Variants in CAMK1D observed in about 807,000 individuals in gnomAD.
CAMK1D encodes calcium/calmodulin dependent protein kinase ID.
Under a neutral mutation model 47.7 loss-of-function variants are expected in CAMK1D, and 9 were observed. That is an observed-to-expected ratio of 0.19 (90% confidence interval 0.11 to 0.33). CAMK1D has a LOEUF of 0.33. Among genes scored for constraint, CAMK1D ranks in the 10% least tolerant of loss-of-function variants. CAMK1D has a pLI of 1.00. For missense variants in CAMK1D, 291 were observed against 488.7 expected, an observed-to-expected ratio of 0.60 and a Z score of 3.81; for synonymous variants, 184 against 184.9, an observed-to-expected ratio of 0.99 and a Z score of 0.04.
rs150272724 is a variant in CAMK1D at position 12,759,835 on chromosome 10, C to T, written c.300-1113C>T. ...GGATCAGTTATTGCGCATAAATTGTCGTGCCTTTTGGAAAATGAATCTTAT... is the reference window on the plus strand; with the variant it reads ...GGATCAGTTATTGCGCATAAATTGTTGTGCCTTTTGGAAAATGAATCTTAT... On this transcript the variant is annotated intron_variant, in intron 3 of 10. Transcript: ENST00000619168. Among the ~76,000 whole-genome samples, 7 of 152,114 alleles carry T rather than the reference C, an allele frequency of 4.6e-5. No homozygotes were observed. The East Asian group carries it at 5.8e-4, about 13-fold the overall frequency.
At chr10:12,808,282 A>G (rs1273451978) in intron 6 of CAMK1D, among the ~76,000 whole-genome samples, 1 of 152,116 alleles carries the variant, frequency 6.6e-6, no homozygotes, top group Admixed American at 6.5e-5. Context: ...TTATCTCTTT[A>G]TGTGCCTCTC....
At chr10:12,772,053 A>G (rs919772564) in intron 5 of CAMK1D, among the ~76,000 whole-genome samples, 4 of 149,934 alleles carry the variant, frequency 2.7e-5, no homozygotes, top group Non-Finnish European at 5.9e-5. Flanking sequence ...AAAAAAAGCC[A>G]GTATAGGCTT....
intron 2 of CAMK1D, among the ~76,000 whole-genome samples, chr10:12,598,999 C>T (rs190932060): frequency 3.3e-5 from 5 of 152,178 alleles, no homozygotes; most frequent in South Asian, 2.1e-4. Flanking sequence ...TAATGATGCA[C>T]GAGAATGCTC....
Position 12,829,722 on chromosome 10 carries a change from G to A in CAMK1D, c.*835G>A, listed in dbSNP as rs1184940401. On this transcript the variant is annotated 3_prime_UTR_variant, in exon 11 of 11. Transcript: ENST00000619168. Reference sequence around the variant, plus strand: ...CACTCCAGCCTGGGTGACAGAGCAAGACTCTGTCTCAAAAAAAAAAAAAAA... The same window carrying A: ...CACTCCAGCCTGGGTGACAGAGCAAAACTCTGTCTCAAAAAAAAAAAAAAA... The A allele has an allele frequency of 7.5e-6, 1 of 133,704 alleles. No individual in the cohort carries two copies. Among genetic ancestry groups the A allele is most frequent in the South Asian group, 2.6e-4 (1 of 3,872 alleles). The allele number at this position is 133,704 out of a possible 1,614,324, so 8.3% of individuals were successfully genotyped here. A position where few individuals can be genotyped will look rare whatever the true frequency, so the allele number is the denominator to read the frequency against.
intron 2 of CAMK1D, among the ~76,000 whole-genome samples, chr10:12,576,873 C>A (rs1245574076): frequency 6.6e-6 from 1 of 152,110 alleles, no homozygotes; most frequent in African/African-American, 2.4e-5. Flanking sequence ...GCATGTCAGT[C>A]AGTGAGCACA....
At chr10:12,767,436 C>T (rs533456630) in intron 4 of CAMK1D, among the ~76,000 whole-genome samples, 2 of 152,230 alleles carry the variant, frequency 1.3e-5, no homozygotes, top group African/African-American at 4.8e-5. Flanking sequence ...CTCAGTCTCC[C>T]AAAGTGCTGG....
At chr10:12,421,490 C>A (rs1026323894) in intron 1 of CAMK1D, among the ~76,000 whole-genome samples, 1 of 134,754 alleles carries the variant, frequency 7.4e-6, no homozygotes, top group African/African-American at 2.8e-5. Flanking sequence ...CTTGGTCATG[C>A]TGGGCCATTT....
At chr10:12,790,519 T>C (rs1837932917) in intron 5 of CAMK1D, among the ~76,000 whole-genome samples, 1 of 152,176 alleles carries the variant, frequency 6.6e-6, no homozygotes, top group Non-Finnish European at 1.5e-5. Flanking sequence ...TGTGTTACAG[T>C]GCTTAGTACG....
At chr10:12,671,605 G>GTATATATATATATATATGGAGATATGTA (rs916520885) in intron 3 of CAMK1D, among the ~76,000 whole-genome samples, 19 of 148,280 alleles carry the variant, frequency 1.3e-4, no homozygotes, top group African/African-American at 4.7e-4. Flanking sequence ...TTGGAGATAT[G>GTATATATATATATATATGGAGATATGTA]TATATATATA....
At chr10:12,605,337 A>AGTGTGTGTGTGTGT (rs112178502) in intron 2 of CAMK1D, among the ~76,000 whole-genome samples, 3,180 of 145,164 alleles carry the variant, frequency 0.022, 49 homozygotes, top group South Asian at 0.042. Flanking sequence ...AAACCATTCA[A>AGTGTGTGTGTGTGT]GTGTGTGTGT....
At chr10:12,824,630 A>C (rs1427805013) in intron 9 of CAMK1D, 78 bp downstream of exon 9, 16 of 1,168,468 alleles carry the variant, frequency 1.4e-5, no homozygotes, top group Non-Finnish European at 2.0e-5. Context: ...CATTTCTGAA[A>C]TCCCCAGAAC....
intron 1 of CAMK1D, among the ~76,000 whole-genome samples, chr10:12,364,320 C>T (rs1470761035): frequency 6.9e-6 from 1 of 145,622 alleles, no homozygotes; most frequent in Non-Finnish European, 1.5e-5. Flanking sequence ...CGGCTCACTG[C>T]AACCTCCGCC....
intron 1 of CAMK1D, among the ~76,000 whole-genome samples, chr10:12,496,196 G>A (rs1248571253): frequency 6.6e-6 from 1 of 152,098 alleles, no homozygotes; most frequent in Non-Finnish European, 1.5e-5. Context: ...AATTACCTTG[G>A]TTGCCAATGT....
Position 12,701,794 on chromosome 10 carries a change from G to C in CAMK1D, c.299+34984G>C, listed in dbSNP as rs189061741. Among the ~76,000 whole-genome samples, 336 of 152,320 alleles carry C rather than the reference G, an allele frequency of 2.2e-3. 1 individual carries two copies. Among genetic ancestry groups the C allele is most frequent in the Non-Finnish European group, 4.2e-3 (283 of 68,028 alleles). On this transcript the variant is annotated intron_variant, in intron 3 of 10. Coordinates refer to ENST00000619168, the MANE Select transcript of CAMK1D (RefSeq NM_153498.4). Reference sequence around the variant, plus strand: ...AGTGGTTACATTCCAGATCTTAGGGGCTGAACGTGACAGAAGTGGATTTCT... The same window carrying C: ...AGTGGTTACATTCCAGATCTTAGGGCCTGAACGTGACAGAAGTGGATTTCT...
At chr10:12,624,329 T>G (rs1839138284) in intron 2 of CAMK1D, among the ~76,000 whole-genome samples, 1 of 152,174 alleles carries the variant, frequency 6.6e-6, no homozygotes, top group Non-Finnish European at 1.5e-5. Context: ...AGTACAATGT[T>G]GTAAGGCCGA....
intron 3 of CAMK1D, among the ~76,000 whole-genome samples, chr10:12,730,893 A>C (rs1184047538): frequency 1.3e-5 from 2 of 152,198 alleles, no homozygotes; most frequent in Non-Finnish European, 2.9e-5. Context: ...TAGGGCCAGA[A>C]GCTTGATTGG....
chr10:12,544,402 G>A (rs1057052493), intron 1 of CAMK1D, among the ~76,000 whole-genome samples: 9 of 152,128 alleles, frequency 5.9e-5, no homozygotes, highest in Non-Finnish European at 1.3e-4. Flanking sequence ...AAAATCTGCT[G>A]TCTCTTTTTA....
chr10:12,538,810 C>T (rs1461628738), intron 1 of CAMK1D, among the ~76,000 whole-genome samples: 4 of 150,062 alleles, frequency 2.7e-5, no homozygotes, highest in South Asian at 2.1e-4. Context: ...AGCTCTCCCT[C>T]GCAGCTTTTA....
intron 1 of CAMK1D, among the ~76,000 whole-genome samples, chr10:12,350,121 G>A (rs1246560391): frequency 6.6e-6 from 1 of 152,078 alleles, no homozygotes; most frequent in East Asian, 1.9e-4. Context: ...GGAGGGGGAG[G>A]GGGCAGCGCC....
Sources: gnomAD v4.1 joint callset for allele counts (sites outside exome capture counted in the v4.1 genomes callset) on GRCh38, gnomAD v4.1.1 for gene constraint, MANE v1.5 for transcripts, NCBI Gene and HGNC (gene_info 2026-07-23, HGNC 2026-07-21) for gene names.